ADAMTS19: variants seen among roughly 807,000 people sequenced by gnomAD.
The protein encoded by ADAMTS19 is ADAM metallopeptidase with thrombospondin type 1 motif 19.
ADAMTS19 carries 93 observed loss-of-function variants against 153.3 expected under a neutral mutation model. The ratio of observed to expected loss-of-function variants is 0.61; its 90% CI spans 0.51 to 0.72. ADAMTS19 has a LOEUF of 0.72. Among genes scored for constraint, ADAMTS19 ranks in the 30% least tolerant of loss-of-function variants. The pLI is 0.00. For missense variants in ADAMTS19, 1,482 were observed against 1,552.1 expected (o/e 0.95, Z 0.76); for synonymous variants, 600 against 556.6 (o/e 1.08, Z -1.10).
intron 7 of ADAMTS19, among the ~76,000 whole-genome samples, chr5:129,556,451 G>T (rs1753313732): frequency 6.6e-6 from 1 of 152,138 alleles, no homozygotes; most frequent in African/African-American, 2.4e-5. Context: ...TTATGAAGTT[G>T]CCTTAATTTT....
intron 11 of ADAMTS19, among the ~76,000 whole-genome samples, chr5:129,642,203 G>T (rs767541928): frequency 6.6e-6 from 1 of 151,932 alleles, no homozygotes; most frequent in African/African-American, 2.4e-5. Context: ...TGAGAATGTT[G>T]AGAGTCATAT....
chr5:129,622,430 G>A, intron 10 of ADAMTS19, 82 bp downstream of exon 10: 1 of 1,497,000 alleles, frequency 6.7e-7, no homozygotes, highest in Non-Finnish European at 9.0e-7. Context: ...ATTATTTTAG[G>A]GTTTGTGGAT....
At chr5:129,647,457 T>C (rs1394008998) in intron 11 of ADAMTS19, among the ~76,000 whole-genome samples, 1 of 152,172 alleles carries the variant, frequency 6.6e-6, no homozygotes, top group Non-Finnish European at 1.5e-5. Context: ...TTTTCTTTCC[T>C]GGTTGTGCAA....
At chr5:129,696,119 C>G (rs1177161996) in intron 19 of ADAMTS19, among the ~76,000 whole-genome samples, 1 of 152,060 alleles carries the variant, frequency 6.6e-6, no homozygotes, top group Non-Finnish European at 1.5e-5. Context: ...CTATTCACAC[C>G]CCCAAGGAAA....
intron 16 of ADAMTS19, among the ~76,000 whole-genome samples, chr5:129,668,627 G>C (rs982926361): frequency 6.6e-6 from 1 of 151,934 alleles, no homozygotes; most frequent in Non-Finnish European, 1.5e-5. Context: ...TAATTCTAAC[G>C]TGGGGTTAGG....
At chr5:129,580,324 G>A (rs1299203714) in intron 7 of ADAMTS19, among the ~76,000 whole-genome samples, 3 of 152,142 alleles carry the variant, frequency 2.0e-5, no homozygotes, top group Non-Finnish European at 2.9e-5. Flanking sequence ...ATTACCTTAA[G>A]GAGATTTTGG....
intron 6 of ADAMTS19, among the ~76,000 whole-genome samples, chr5:129,548,466 C>G (rs1752943907): frequency 6.6e-6 from 1 of 152,014 alleles, no homozygotes; most frequent in Non-Finnish European, 1.5e-5. Flanking sequence ...CAAATCAAAA[C>G]CACAATGAGA....
intron 21 of ADAMTS19, among the ~76,000 whole-genome samples, chr5:129,729,895 A>G (rs1757363397): frequency 6.6e-6 from 1 of 152,090 alleles, no homozygotes; most frequent in Non-Finnish European, 1.5e-5. Flanking sequence ...GTGACTAATT[A>G]TGGGCCTCTT....
chr5:129,595,107 A>G (rs1438960521), intron 7 of ADAMTS19, among the ~76,000 whole-genome samples: 1 of 152,124 alleles, frequency 6.6e-6, no homozygotes, highest in Non-Finnish European at 1.5e-5. Context: ...TAATATGTTC[A>G]TTCTACCTTT....
At chr5:129,460,763 T>C (rs1749619096) in intron 1 of ADAMTS19, 1 of 561,322 alleles carries the variant, frequency 1.8e-6, no homozygotes, top group South Asian at 2.1e-5. Context: ...AGAACGTACC[T>C]AAGTTGATAG....
At chr5:129,607,483 G>C (rs1750957661) in intron 8 of ADAMTS19, among the ~76,000 whole-genome samples, 1 of 152,110 alleles carries the variant, frequency 6.6e-6, no homozygotes, top group South Asian at 2.1e-4. Context: ...GTCATCTTGA[G>C]GTGCAGGACA....
intron 21 of ADAMTS19, among the ~76,000 whole-genome samples, chr5:129,704,836 T>C (rs1194420622): frequency 6.6e-6 from 1 of 151,926 alleles, no homozygotes; most frequent in Non-Finnish European, 1.5e-5. Flanking sequence ...TTGGGAGTTG[T>C]GTATGGTAGA....
chr5:129,685,500 GTTATAC>G (rs1755043437), intron 18 of ADAMTS19, among the ~76,000 whole-genome samples: 1 of 152,066 alleles, frequency 6.6e-6, no homozygotes. Context: ...GACAATGATT[GTTATAC>G]TTAAATATAT....
chr5:129,480,497 A>G (rs763835826), intron 2 of ADAMTS19, among the ~76,000 whole-genome samples: 11 of 152,212 alleles, frequency 7.2e-5, no homozygotes, highest in Non-Finnish European at 1.5e-4. Flanking sequence ...CAAAAGATAT[A>G]TCTGATAAAG....
At chr5:129,581,832 A>T (rs1422186374) in intron 7 of ADAMTS19, among the ~76,000 whole-genome samples, 1 of 151,948 alleles carries the variant, frequency 6.6e-6, no homozygotes, top group African/African-American at 2.4e-5. Flanking sequence ...TAAATAACTT[A>T]TTTATTTCTG....
intron 16 of ADAMTS19, among the ~76,000 whole-genome samples, chr5:129,673,448 T>C (rs1754403317): frequency 6.6e-6 from 1 of 152,156 alleles, no homozygotes; most frequent in Non-Finnish European, 1.5e-5. Flanking sequence ...TCCAAATTTT[T>C]TTAGTTTTTA....
intron 8 of ADAMTS19, among the ~76,000 whole-genome samples, chr5:129,599,711 G>T (rs1056165669): frequency 5.9e-5 from 9 of 152,120 alleles, no homozygotes; most frequent in African/African-American, 1.9e-4. Context: ...GGCCACTTCA[G>T]TTTTATGTAG....
At chr5:129,553,690 C>A (rs1476442933) in intron 7 of ADAMTS19, among the ~76,000 whole-genome samples, 1 of 152,122 alleles carries the variant, frequency 6.6e-6, no homozygotes, top group Admixed American at 6.6e-5. Context: ...TATCTTATGG[C>A]AGATTTTTTT....
At chr5:129,587,148 AACT>A (rs1749848024) in intron 7 of ADAMTS19, among the ~76,000 whole-genome samples, 1 of 152,082 alleles carries the variant, frequency 6.6e-6, no homozygotes, top group Non-Finnish European at 1.5e-5. Flanking sequence ...ACTGATTATC[AACT>A]ACTAATTATA....
Sources: allele counts gnomAD v4.1 joint callset (sites outside exome capture counted in the v4.1 genomes callset), GRCh38; gene constraint gnomAD v4.1.1; transcripts MANE v1.5; gene names NCBI Gene and HGNC (gene_info 2026-07-23, HGNC 2026-07-21).